The following ARHGEF26 variants were observed in gnomAD, a reference collection of about 807,000 sequenced individuals.
ARHGEF26 encodes Rho guanine nucleotide exchange factor (GEF) 26.
In ARHGEF26, 59 loss-of-function variants were observed where a neutral mutation model predicts 89.4. That is an observed-to-expected ratio of 0.66 (90% CI 0.54 to 0.82). The LOEUF (loss-of-function observed/expected upper bound fraction) is 0.82. Among genes scored for constraint, ARHGEF26 ranks in the 40% least tolerant of loss-of-function variants. The probability of loss-of-function intolerance (pLI) is 0.00; values close to 1 mark genes in which losing one functional copy is unlikely to be tolerated. For missense variants in ARHGEF26, 1,234 were observed against 1,085.6 expected (o/e 1.14, Z -1.92); for synonymous variants, 500 against 428.4 (o/e 1.17, Z -2.06).
chr3:154,150,664 T>C (rs955072714), intron 5 of ARHGEF26, among the ~76,000 whole-genome samples: 3 of 152,174 alleles, frequency 2.0e-5, no homozygotes, highest in Non-Finnish European at 4.4e-5. Context: ...GTGGGACTTT[T>C]TCCTTCATTG....
At chr3:154,179,400 A>G (rs1424328924) in intron 6 of ARHGEF26, among the ~76,000 whole-genome samples, 1 of 152,174 alleles carries the variant, frequency 6.6e-6, no homozygotes, top group East Asian at 1.9e-4. Flanking sequence ...CTTGCTTTTT[A>G]GAGTATCTTT....
rs545045189 is a variant in ARHGEF26, at chr3:154,257,738, A to T, written c.*2265A>T. On this transcript the variant is annotated 3_prime_UTR_variant, in exon 15 of 15. Coordinates refer to ENST00000465093, the MANE Select transcript of ARHGEF26 (RefSeq NM_015595.4). ...TACATTGACTTCATTACTAAAGAACAAAAATGTTCATTTTTGTCCCAGTAA... is the reference window on the plus strand; with the variant it reads ...TACATTGACTTCATTACTAAAGAACTAAAATGTTCATTTTTGTCCCAGTAA... The T allele has an allele frequency of 6.6e-6, 1 of 151,616 alleles. No individual in the cohort carries two copies. Among genetic ancestry groups the T allele is most frequent in the Non-Finnish European group, 1.5e-5 (1 of 68,040 alleles). 9.4% of individuals were successfully genotyped at this position (151,616 alleles called of 1,614,324 possible).
At position 154,240,577 on chromosome 3, in the gene ARHGEF26, G is replaced by T. The variant is rs776789093; in HGVS notation, c.2298G>T (p.Thr766=). The T allele has an allele frequency of 8.8e-5, 141 of 1,605,056 alleles. 2 individuals carry two copies. The South Asian group carries it at 1.5e-3, about 17-fold the overall frequency. ...EKVEMLLGAE[T]QSERARWITA... is the part of the protein sequence containing the mutation. Reference sequence around the variant, plus strand: ...TGGAGATGCTACTAGGAGCTGAGACGCAGTAAGTATATGTGGGGAAAAGAT... The same window carrying T: ...TGGAGATGCTACTAGGAGCTGAGACTCAGTAAGTATATGTGGGGAAAAGAT... Residue 766 remains threonine (T), a splice_region_variant and synonymous_variant, in exon 12 of 15, where the codon ACG becomes ACT. Transcript: ENST00000465093.
At chr3:154,231,989 T>G (rs369644929) in intron 11 of ARHGEF26, among the ~76,000 whole-genome samples, 5 of 152,194 alleles carry the variant, frequency 3.3e-5, no homozygotes, top group African/African-American at 1.2e-4. Flanking sequence ...ATTTTTCCTT[T>G]TTATTGATGT....
chr3:154,179,908 C>T (rs1462968050), intron 6 of ARHGEF26, among the ~76,000 whole-genome samples: 1 of 152,184 alleles, frequency 6.6e-6, no homozygotes, highest in African/African-American at 2.4e-5. Context: ...TTTTTCAATT[C>T]TGAAGGTGGG....
At chr3:154,176,705 G>A (rs1473319996) in intron 6 of ARHGEF26, among the ~76,000 whole-genome samples, 5 of 152,096 alleles carry the variant, frequency 3.3e-5, no homozygotes, top group African/African-American at 9.7e-5. Flanking sequence ...TTAGAAATTC[G>A]GTTTGAAAAG....
At chr3:154,248,127 T>C (rs145461278) in intron 12 of ARHGEF26, among the ~76,000 whole-genome samples, 15 of 152,310 alleles carry the variant, frequency 9.8e-5, no homozygotes, top group African/African-American at 3.6e-4. Context: ...ATGAAACATC[T>C]AGGACATGTT....
At chr3:154,220,690 A>G (rs1716072635) in intron 10 of ARHGEF26, among the ~76,000 whole-genome samples, 1 of 152,154 alleles carries the variant, frequency 6.6e-6, no homozygotes, top group African/African-American at 2.4e-5. Context: ...GGAGCCACCG[A>G]AAAGTTCTAA....
chr3:154,147,392 CAG>C (rs1172741360), intron 4 of ARHGEF26, among the ~76,000 whole-genome samples: 2 of 152,176 alleles, frequency 1.3e-5, no homozygotes, highest in African/African-American at 2.4e-5. Flanking sequence ...GTCTGAGCGA[CAG>C]AGTGAGACTC....
intron 6 of ARHGEF26, among the ~76,000 whole-genome samples, chr3:154,180,524 C>T (rs938564093): frequency 5.0e-4 from 12 of 24,040 alleles, no homozygotes; most frequent in African/African-American, 2.8e-3. Context: ...TCATTTCTCT[C>T]CCACATGTAA....
chr3:154,207,218 C>T (rs406617), intron 9 of ARHGEF26, among the ~76,000 whole-genome samples: 3,933 of 152,098 alleles, frequency 0.026, 70 homozygotes, highest in Non-Finnish European at 0.038. Context: ...GATGAAGATG[C>T]CAAAAACAGT....
At chr3:154,232,484 C>T (rs1028627693) in intron 11 of ARHGEF26, among the ~76,000 whole-genome samples, 8 of 152,180 alleles carry the variant, frequency 5.3e-5, no homozygotes, top group African/African-American at 1.9e-4. Flanking sequence ...CTGGTCTGAG[C>T]ACTTGCCAAA....
chr3:154,164,836 C>T (rs1283305853), intron 6 of ARHGEF26, among the ~76,000 whole-genome samples: 2 of 152,070 alleles, frequency 1.3e-5, no homozygotes, highest in Non-Finnish European at 2.9e-5. Context: ...TTAGATAGCT[C>T]TGAAAAAATC....
At chr3:154,140,060 G>A (rs1719263981) in intron 4 of ARHGEF26, among the ~76,000 whole-genome samples, 1 of 151,690 alleles carries the variant, frequency 6.6e-6, no homozygotes, top group East Asian at 2.0e-4. Flanking sequence ...GAGTCTGATT[G>A]TTGTGTGCCC....
chr3:154,247,342 C>G (rs1043602092), intron 12 of ARHGEF26, among the ~76,000 whole-genome samples: 1 of 152,174 alleles, frequency 6.6e-6, no homozygotes, highest in African/African-American at 2.4e-5. Flanking sequence ...TTTGATGCTT[C>G]TGTGTCAGAA....
intron 11 of ARHGEF26, among the ~76,000 whole-genome samples, chr3:154,227,434 A>G (rs1444988681): frequency 6.6e-6 from 1 of 151,352 alleles, no homozygotes; most frequent in Non-Finnish European, 1.5e-5. Context: ...GGCGCCCGCT[A>G]CCACACCCAG....
chr3:154,122,747 C>A lies in ARHGEF26; in HGVS notation c.755C>A (p.Pro252Gln). The change falls in exon 2 of 15, where the codon CCG becomes CAG. Residue 252 changes from proline (P) to glutamine (Q), a missense_variant. Pro to Gln is a moderately conservative substitution (Grantham distance 76). Transcript: ENST00000465093. ...ALKVGKQQIIPKSLASEIKIS... is the reference protein window; with the variant it reads ...ALKVGKQQIIQKSLASEIKIS... Reference sequence around the variant, plus strand: ...AAAGTGGGGAAGCAGCAGATCATTCCGAAGAGTCTGGCCTCGGAAATTAAA... The same window carrying A: ...AAAGTGGGGAAGCAGCAGATCATTCAGAAGAGTCTGGCCTCGGAAATTAAA... 6.2e-7 allele frequency: 1 copy of A among 1,612,474 alleles called. No homozygotes were observed. The highest frequency in any genetic ancestry group is 8.5e-7 in the Non-Finnish European group (1 of 1,179,190).
chr3:154,133,016 C>A (rs565721615), intron 4 of ARHGEF26, among the ~76,000 whole-genome samples: 1 of 152,116 alleles, frequency 6.6e-6, no homozygotes, highest in East Asian at 1.9e-4. Flanking sequence ...GTGCATTAGC[C>A]GGTGTTGTTT....
rs994667023 is a variant in ARHGEF26, at chr3:154,122,057, C to G, written c.65C>G (p.Ser22Trp). Reference protein sequence around the residue: ...NSITPLWRRRSIPQPHQVLGR... With the variant: ...NSITPLWRRRWIPQPHQVLGR... ...ATAACCCCTTTGTGGCGGAGGCGGT[C>G]GATTCCTCAGCCCCACCAGGTTCTG... is the stretch of plus-strand genomic sequence containing the variant. Residue 22 changes from serine (S) to tryptophan (W), a missense_variant, in exon 2 of 15, where the codon TCG becomes TGG. Ser to Trp is a radical substitution (Grantham distance 177, BLOSUM62 -3). Coordinates refer to ENST00000465093, the MANE Select transcript of ARHGEF26 (RefSeq NM_015595.4). 1 of 1,611,912 alleles carries G rather than the reference C, an allele frequency of 6.2e-7. No individual in the cohort carries two copies. The highest frequency in any genetic ancestry group is 1.7e-5 in the Admixed American group (1 of 59,870).
Sources: allele counts gnomAD v4.1 joint callset (sites outside exome capture counted in the v4.1 genomes callset), GRCh38; gene constraint gnomAD v4.1.1; transcripts MANE v1.5; gene names NCBI Gene and HGNC (gene_info 2026-07-23, HGNC 2026-07-21).